The following MKS1 variants were observed in gnomAD, a reference collection of about 807,000 sequenced individuals.
The protein encoded by MKS1 is MKS transition zone complex subunit 1, also known as tectonic-like complex member MKS1.
A neutral mutation model predicts 83.7 loss-of-function variants in MKS1; 70 were observed. That is an observed-to-expected ratio of 0.84 (90% CI 0.69 to 1.02). The LOEUF (loss-of-function observed/expected upper bound fraction) is 1.02, where lower values mean the gene tolerates loss of function less well. Among genes scored for constraint, MKS1 ranks in the 50% least tolerant of loss-of-function variants. The pLI is 0.00. For missense variants in MKS1, 681 were observed against 726.9 expected (o/e 0.94, Z 0.73); for synonymous variants, 251 against 273.4 (o/e 0.92, Z 0.81).
chr17:58,213,873 G>A lies in MKS1; in HGVS notation c.645-4C>T. 1 of 1,610,058 alleles carries A rather than the reference G, an allele frequency of 6.2e-7. No individual in the cohort carries two copies. Among genetic ancestry groups the A allele is most frequent in the Middle Eastern group, 1.7e-4 (1 of 6,058 alleles). The stretch of plus-strand genomic sequence containing the variant: ...TTCATACTTCTTATAGCCAAGCCTA[G>A]AAATCAGGAAAACACCAAGGTTGAG... On this transcript the variant is annotated splice_polypyrimidine_tract_variant and splice_region_variant and intron_variant, in intron 6 of 17. Coordinates refer to ENST00000393119, the MANE Select transcript of MKS1 (RefSeq NM_017777.4).
In MKS1 at chr17:58,209,750, G is replaced by T. The variant is rs112880708; in HGVS notation, c.1024+909C>A. 6.6e-6 allele frequency among the ~76,000 whole-genome samples: 1 copy of T among 152,240 alleles called. No individual in the cohort carries two copies. The highest frequency in any genetic ancestry group is 2.4e-5 in the African/African-American group (1 of 41,450). On this transcript the variant is annotated intron_variant, in intron 11 of 17. Coordinates refer to ENST00000393119, the MANE Select transcript of MKS1 (RefSeq NM_017777.4). This position sits in a 1 kb window ranked among gnomAD's most constrained non-coding sequence, Gnocchi z 4.1. ...TTTACTCTAAGTGGGAGGGGAAGCTGTTGGGGTTTTCAGCTCAAAAGGGAC... is the reference window on the plus strand; with the variant it reads ...TTTACTCTAAGTGGGAGGGGAAGCTTTTGGGGTTTTCAGCTCAAAAGGGAC...
At chr17:58,216,545 CA>C (rs1399564713) in intron 3 of MKS1, 120 bp downstream of exon 3, 6 of 1,165,832 alleles carry the variant, frequency 5.1e-6, no homozygotes, top group African/African-American at 4.6e-5. Flanking sequence ...CCTTTAAACA[CA>C]ACAGGGGAAA....
In MKS1 at chr17:58,206,376, A is replaced by C; in HGVS notation, c.1495T>G (p.Phe499Val). The C allele has an allele frequency of 1.9e-6, 3 of 1,614,076 alleles. No individual in the cohort carries two copies. Among genetic ancestry groups the C allele is most frequent in the Non-Finnish European group, 2.5e-6 (3 of 1,179,994 alleles). Residue 499 changes from phenylalanine (F) to valine (V), a missense_variant, in exon 17 of 18, where the codon TTC (phenylalanine) becomes GTC (valine). Phe to Val is a conservative substitution (Grantham distance 50). Coordinates refer to ENST00000393119, the MANE Select transcript of MKS1 (RefSeq NM_017777.4). ...TTCTGAAGGGAGCTCGATTCCATGA[A>C]GGCCCTGCAGGGAGGCCAGCCACAT... is the stretch of plus-strand genomic sequence containing the variant. ...RLHCLQQSRA[F>V]MESSSLQKRM...
Position 58,205,979 on chromosome 17 carries a change from C to G in MKS1, c.*100G>C. On this transcript the variant is annotated 3_prime_UTR_variant, in exon 18 of 18. Coordinates refer to ENST00000393119, the MANE Select transcript of MKS1 (RefSeq NM_017777.4). ...CCAGCTTTTCTGGTTCTCAGCAGAC[C>G]AACGTGGTCTCTAATCAGAAAGACG... The G allele has an allele frequency of 6.5e-7, 1 of 1,538,950 alleles. No individual in the cohort carries two copies. Among genetic ancestry groups the G allele is most frequent in the Non-Finnish European group, 8.7e-7 (1 of 1,145,626 alleles).
rs1172967624 is a variant in MKS1 at position 58,205,937 on chromosome 17, G to A, written c.*142C>T. On this transcript the variant is annotated 3_prime_UTR_variant, in exon 18 of 18. Transcript: ENST00000393119. ...GACCCTGCAGAAGGCTAGGCAGAGG[G>A]GCCAGCCGGGAATTTCCCAGCTTTT... 2.0e-6 allele frequency: 3 copies of A among 1,514,216 alleles called. No homozygotes were observed. The highest frequency in any genetic ancestry group is 2.6e-6 in the Non-Finnish European group (3 of 1,134,656). 93.8% of individuals were successfully genotyped at this position (1,514,216 alleles called of 1,614,324 possible).
intron 5 of MKS1, 91 bp from the exon 6 acceptor site, chr17:58,214,478 G>A (rs997913173): frequency 6.3e-7 from 1 of 1,586,912 alleles, no homozygotes; most frequent in African/African-American, 1.3e-5. Context: ...GTTTGAGCTA[G>A]TGGACATACT....
intron 9 of MKS1, 137 bp from the exon 10 acceptor site, chr17:58,211,159 A>G: frequency 1.3e-6 from 1 of 747,562 alleles, no homozygotes; most frequent in Admixed American, 2.0e-5. Flanking sequence ...CTTTCTCCCC[A>G]CCCTGACACT....
Position 58,213,034 on chromosome 17 carries a change from G to GA in MKS1, c.805dup (p.Ser269PhefsTer36), listed in dbSNP as rs1320893771. 6.2e-7 allele frequency: 1 copy of GA among 1,614,108 alleles called. No homozygotes were observed. Among genetic ancestry groups the GA allele is most frequent in the African/African-American group, 1.3e-5 (1 of 75,014 alleles). On this transcript the variant is annotated frameshift_variant, in exon 8 of 18. Coordinates refer to ENST00000393119, the MANE Select transcript of MKS1 (RefSeq NM_017777.4). LOFTEE classifies it high-confidence loss of function. ...CTCCTCCTCCGGCTGTGCGTGGGGGGAAACATTGTCGATCGTATATTTCCA... is the reference window on the plus strand; with the variant it reads ...CTCCTCCTCCGGCTGTGCGTGGGGGGAAAACATTGTCGATCGTATATTTCCA...
At chr17:58,213,936 G>A (rs1195373965) in intron 6 of MKS1, 67 bp from the exon 7 acceptor site, 2 of 1,323,958 alleles carry the variant, frequency 1.5e-6, no homozygotes, top group African/African-American at 1.4e-5. Flanking sequence ...GAGATACTGA[G>A]CCCACTGCAG....
rs1274731787 is a variant in MKS1 at position 58,205,672 on chromosome 17, T to C, written c.*407A>G. The C allele has an allele frequency of 3.1e-6, 4 of 1,311,116 alleles. No individual in the cohort carries two copies. In the Admixed American group the frequency reaches 9.1e-5, roughly 30 times the overall value. 81.2% of individuals were successfully genotyped at this position (1,311,116 alleles called of 1,614,324 possible). On this transcript the variant is annotated 3_prime_UTR_variant, in exon 18 of 18. Transcript: ENST00000393119. ...ATTTAAGACCCTCTCACCGTCCACCTTCCTTCCTTCTTTGGTCTTGGAAGA... is the reference window on the plus strand; with the variant it reads ...ATTTAAGACCCTCTCACCGTCCACCCTCCTTCCTTCTTTGGTCTTGGAAGA...
chr17:58,211,056 G>A (rs779710643), intron 9 of MKS1, 34 bp from the exon 10 acceptor site: 5 of 1,609,572 alleles, frequency 3.1e-6, no homozygotes, highest in African/African-American at 1.3e-5. Flanking sequence ...GGATCAGCAG[G>A]CCTGGAGGGA....
Position 58,206,041 on chromosome 17 carries a change from T to A in MKS1, c.*38A>T. 6.3e-7 allele frequency: 1 copy of A among 1,581,966 alleles called. No individual in the cohort carries two copies. The highest frequency in any genetic ancestry group is 8.6e-7 in the Non-Finnish European group (1 of 1,165,914). On this transcript the variant is annotated 3_prime_UTR_variant, in exon 18 of 18. Transcript: ENST00000393119. ...GAGCACTGGCCTCAGATATCCCCCA[T>A]CTTGTCCTCTTGCACTGTGGGCCAG...
Position 58,213,039 on chromosome 17 carries a change from A to G in MKS1, c.801T>C (p.Asn267=), listed in dbSNP as rs753798549. 5 of 1,613,982 alleles carry G rather than the reference A, an allele frequency of 3.1e-6. No individual in the cohort carries two copies. The East Asian group carries it at 1.1e-4, about 36-fold the overall frequency. The part of the protein sequence containing the change: ...KQELWKYTID[N]VSPHAQPEEE... Reference sequence around the variant, plus strand: ...CCTCCGGCTGTGCGTGGGGGGAAACATTGTCGATCGTATATTTCCACAGCT... The same window carrying G: ...CCTCCGGCTGTGCGTGGGGGGAAACGTTGTCGATCGTATATTTCCACAGCT... The change falls in exon 8 of 18, where the codon AAT becomes AAC. Residue 267 remains asparagine (N), a synonymous_variant. Transcript: ENST00000393119.
At chr17:58,214,462 T>C (rs772482182) in intron 5 of MKS1, 75 bp from the exon 6 acceptor site, 2 of 1,608,024 alleles carry the variant, frequency 1.2e-6, no homozygotes, top group African/African-American at 1.3e-5. Flanking sequence ...CACTTCAGAA[T>C]GGGAAGTTTG....
chr17:58,212,554 AC>A (rs1282502291), intron 8 of MKS1, 120 bp from the exon 9 acceptor site: 2 of 1,042,864 alleles, frequency 1.9e-6, no homozygotes, highest in East Asian at 5.0e-5. Flanking sequence ...AGGCGTAAGC[AC>A]CTGACTCACC....
At chr17:58,210,875 C>T in intron 10 of MKS1, 105 bp downstream of exon 10, 1 of 1,488,616 alleles carries the variant, frequency 6.7e-7, no homozygotes, top group South Asian at 1.1e-5. Context: ...ACTGAGTTTC[C>T]CAAGTACAGC....
intron 8 of MKS1, among the ~76,000 whole-genome samples, chr17:58,212,695 G>C (rs1422469374): frequency 1.3e-5 from 2 of 152,162 alleles, no homozygotes; most frequent in African/African-American, 4.8e-5. Context: ...CCACTTATAA[G>C]GTGGTAATAA....
rs1374491789 is a variant in MKS1, at chr17:58,206,575, G to C, written c.1408-28C>G. The C allele has an allele frequency of 6.3e-6, 10 of 1,599,402 alleles. No homozygotes were observed. In the East Asian group the frequency reaches 2.0e-4, roughly 32 times the overall value. On this transcript the variant is annotated intron_variant, in intron 15 of 17. Coordinates refer to ENST00000393119, the MANE Select transcript of MKS1 (RefSeq NM_017777.4). ...GTGGCATGCCATTGGGACAGCCTCA[G>C]GTTTCTGCTCTCTCTAGACACCCCC...
At position 58,206,337 on chromosome 17, in the gene MKS1, C is replaced by T. The variant is rs370130538; in HGVS notation, c.1534G>A (p.Val512Met). 1.2e-5 allele frequency: 20 copies of T among 1,613,988 alleles called. No individual in the cohort carries two copies. The highest frequency in any genetic ancestry group is 2.7e-5 in the African/African-American group (2 of 74,900). Residue 512 changes from valine (V) to methionine (M), a missense_variant, in exon 17 of 18, where the codon GTG (valine) becomes ATG (methionine). Val to Met is a conservative substitution (Grantham distance 21). Around this residue, in one of 3 missense-constraint regions of MKS1, gnomAD observed 310 missense variants for 321.7 expected, o/e 0.96. Transcript: ENST00000393119. ...SSSLQKRMRSVLDRLEGFSQQ... is the reference protein window; with the variant it reads ...SSSLQKRMRSMLDRLEGFSQQ... Reference sequence around the variant, plus strand: ...CTGAACCCTTCCAGACGGTCCAACACACTCCGCATCCTTTTCTGAAGGGAG... The same window carrying T: ...CTGAACCCTTCCAGACGGTCCAACATACTCCGCATCCTTTTCTGAAGGGAG...
Sources: allele counts gnomAD v4.1 joint callset (sites outside exome capture counted in the v4.1 genomes callset), GRCh38; gene constraint gnomAD v4.1.1; regional missense constraint gnomAD v4.1.1; non-coding constraint Gnocchi (gnomAD v3.1); transcripts MANE v1.5; gene names NCBI Gene and HGNC (gene_info 2026-07-23, HGNC 2026-07-21).